Variants in SKIL observed in about 807,000 individuals in gnomAD.
SKIL encodes the protein SKI like proto-oncogene.
A neutral mutation model predicts 69.6 loss-of-function variants in SKIL; 20 were observed. That is an observed-to-expected ratio of 0.29 (90% confidence interval 0.20 to 0.42). The LOEUF is 0.42. Among genes scored for constraint, SKIL ranks in the 10% least tolerant of loss-of-function variants. The probability of loss-of-function intolerance (pLI) is 1.00; values close to 1 mark genes in which losing one functional copy is unlikely to be tolerated. For missense variants in SKIL, 745 were observed against 783.1 expected, an observed-to-expected ratio of 0.95 and a Z score of 0.58; for synonymous variants, 310 against 279.9, an observed-to-expected ratio of 1.11 and a Z score of -1.08.
chr3:170,358,287 G>A (rs955409461), intron 1 of SKIL, among the ~76,000 whole-genome samples: 1 of 151,950 alleles, frequency 6.6e-6, no homozygotes, highest in East Asian at 1.9e-4. Flanking sequence ...TGCGCGGGGG[G>A]GTGGATTTCC....
chr3:170,389,117 C>T (rs1421234658), intron 4 of SKIL, among the ~76,000 whole-genome samples: 1 of 152,090 alleles, frequency 6.6e-6, no homozygotes, highest in Non-Finnish European at 1.5e-5. Context: ...AGGTAATCCA[C>T]CTGCCTCGGC....
intron 1 of SKIL, among the ~76,000 whole-genome samples, chr3:170,359,326 T>C (rs2108888764): frequency 6.6e-6 from 1 of 152,354 alleles, no homozygotes; most frequent in East Asian, 1.9e-4. Flanking sequence ...CCGGGTGCGG[T>C]GGCTCACGCC....
Position 170,360,469 on chromosome 3 carries a change from G to A in SKIL, c.138G>A (p.Val46=). ...CAAATGGAAAAACGATAAACAAGGTGCCAACAGTTAAGAAGGAACACTTGG... is the reference window on the plus strand; with the variant it reads ...CAAATGGAAAAACGATAAACAAGGTACCAACAGTTAAGAAGGAACACTTGG... ...IHANGKTINK[V]PTVKKEHLDD... is the part of the protein sequence containing the mutation. Residue 46 remains valine (V), a synonymous_variant, in exon 2 of 7, where the codon GTG becomes GTA. Coordinates refer to ENST00000259119, the MANE Select transcript of SKIL (RefSeq NM_005414.5). The A allele has an allele frequency of 6.2e-7, 1 of 1,613,988 alleles. No individual in the cohort carries two copies. Among genetic ancestry groups the A allele is most frequent in the African/African-American group, 1.3e-5 (1 of 75,038 alleles).
chr3:170,366,839 C>T (rs1055663857), intron 2 of SKIL, among the ~76,000 whole-genome samples: 1 of 152,108 alleles, frequency 6.6e-6, no homozygotes, highest in Non-Finnish European at 1.5e-5. Context: ...TAAATACATG[C>T]AAACATCACA....
Position 170,396,560 on chromosome 3 carries a change from G to T in SKIL, c.*4143G>T, listed in dbSNP as rs1389369790. ...TTTGCCAATGATGTACAGTTTTATG[G>T]TTAAAGTTGCTGTGGTTGGTTGCAT... On this transcript the variant is annotated 3_prime_UTR_variant, in exon 7 of 7. Transcript: ENST00000259119. 3 of 152,182 alleles carry T rather than the reference G, an allele frequency of 2.0e-5. No individual in the cohort carries two copies. The highest frequency in any genetic ancestry group is 4.4e-5 in the Non-Finnish European group (3 of 68,028). The allele number at this position is 152,182 out of a possible 1,614,324, so 9.4% of individuals were successfully genotyped here. A position where few individuals can be genotyped will look rare whatever the true frequency, so the allele number is the denominator to read the frequency against.
rs1019799361 is a variant in SKIL, at chr3:170,383,130, G to C, written c.1197-1403G>C. 2.6e-5 allele frequency among the ~76,000 whole-genome samples: 4 copies of C among 152,132 alleles called. No homozygotes were observed. The East Asian group carries it at 7.7e-4, about 29-fold the overall frequency. On this transcript the variant is annotated intron_variant, in intron 3 of 6. Transcript: ENST00000259119. ...TTTCAATAAATGTTCACCCTAGATT[G>C]TAAGTTTTTTGTTGTTGAGCCCTAG...
rs771703855 is a variant in SKIL, at chr3:170,361,016, T to G, written c.685T>G (p.Leu229Val). ...GLITLTDAQRLCNALLRPRTF... is the reference protein window; with the variant it reads ...GLITLTDAQRVCNALLRPRTF... ...GATTACATTAACTGATGCACAAAGA[T>G]TATGTAATGCTTTATTGCGGCCACG... The change falls in exon 2 of 7, where the codon TTA becomes GTA. Residue 229 changes from leucine (L) to valine (V), a missense_variant. Physicochemically the swap from Leu to Val is conservative, Grantham distance 32. Coordinates refer to ENST00000259119, the MANE Select transcript of SKIL (RefSeq NM_005414.5). 6.2e-7 allele frequency: 1 copy of G among 1,614,216 alleles called. No homozygotes were observed. The highest frequency in any genetic ancestry group is 8.5e-7 in the Non-Finnish European group (1 of 1,180,030).
intron 2 of SKIL, among the ~76,000 whole-genome samples, chr3:170,373,808 T>C (rs561019423): frequency 1.3e-5 from 2 of 152,300 alleles, no homozygotes; most frequent in East Asian, 3.9e-4. Flanking sequence ...CGAGGATCCC[T>C]TGAGCCCAGG....
chr3:170,364,204 C>T (rs1736385596), intron 2 of SKIL, among the ~76,000 whole-genome samples: 3 of 152,050 alleles, frequency 2.0e-5, no homozygotes, highest in Non-Finnish European at 4.4e-5. Context: ...GCGCCTGTCT[C>T]TGCCTCCCAA....
rs746175521 is a variant in SKIL, at chr3:170,360,341, C to A, written c.10C>A (p.Leu4Ile). The change falls in exon 2 of 7, where the codon CTC becomes ATC. Residue 4 changes from leucine (L) to isoleucine (I), a missense_variant. Leu to Ile is a conservative substitution (Grantham distance 5). Transcript: ENST00000259119. The stretch of plus-strand genomic sequence containing the variant: ...AACAGAAGAGTGTACCATGGAAAAC[C>A]TCCAGACAAATTTCTCCTTGGTTCA... The part of the protein sequence containing the change: MEN[L>I]QTNFSLVQGS... 1.2e-5 allele frequency: 19 copies of A among 1,556,076 alleles called. No individual in the cohort carries two copies. The East Asian group carries it at 4.3e-4, about 35-fold the overall frequency.
At chr3:170,380,500 T>G (rs1216550161) in intron 2 of SKIL, among the ~76,000 whole-genome samples, 1 of 151,834 alleles carries the variant, frequency 6.6e-6, no homozygotes, top group Non-Finnish European at 1.5e-5. Context: ...AAAAATTAGC[T>G]GGGTGTGGTG....
Position 170,361,464 on chromosome 3 carries a change from T to C in SKIL, c.1098+35T>C, listed in dbSNP as rs778264168. The C allele has an allele frequency of 2.8e-6, 4 of 1,450,362 alleles. No individual in the cohort carries two copies. The Admixed American group carries it at 9.0e-5, about 33-fold the overall frequency. 89.8% of individuals were successfully genotyped at this position (1,450,362 alleles called of 1,614,324 possible). A position where few individuals can be genotyped will look rare whatever the true frequency, so the allele number is the denominator to read the frequency against. ...TTATATCAATTTTTAATAATGGTAA[T>C]GGTTTACTTTGAAATGAAAATTCTA... On this transcript the variant is annotated intron_variant, in intron 2 of 6. Transcript: ENST00000259119.
At chr3:170,386,617 G>A (rs1203327243) in intron 4 of SKIL, among the ~76,000 whole-genome samples, 1 of 151,934 alleles carries the variant, frequency 6.6e-6, no homozygotes, top group African/African-American at 2.4e-5. Context: ...ACAGGCATGT[G>A]CCACTGCGCC....
chr3:170,358,433 C>G (rs1262898534), intron 1 of SKIL: 1 of 152,450 alleles, frequency 6.6e-6, no homozygotes, highest in Non-Finnish European at 1.5e-5. Context: ...CCCAGGCTTC[C>G]CGTGTCCCTT....
chr3:170,388,960 C>G (rs1737780205), intron 4 of SKIL, among the ~76,000 whole-genome samples: 1 of 152,004 alleles, frequency 6.6e-6, no homozygotes, highest in African/African-American at 2.4e-5. Flanking sequence ...ACCTCCACCT[C>G]CCGGGTTCAA....
At chr3:170,362,657 A>G (rs1030703757) in intron 2 of SKIL, among the ~76,000 whole-genome samples, 5 of 151,788 alleles carry the variant, frequency 3.3e-5, no homozygotes, top group African/African-American at 4.8e-5. Flanking sequence ...TCTACTAAAA[A>G]TACAAAAATT....
At position 170,384,765 on chromosome 3, in the gene SKIL, G is replaced by T. The variant is rs768240946; in HGVS notation, c.1429G>T (p.Asp477Tyr). 1 of 1,452,028 alleles carries T rather than the reference G, an allele frequency of 6.9e-7. No homozygotes were observed. Among genetic ancestry groups the T allele is most frequent in the Admixed American group, 1.8e-5 (1 of 56,444 alleles). The allele number at this position is 1,452,028 out of a possible 1,614,324, so 89.9% of individuals were successfully genotyped here. ...AAGTAGAGAATTATGTAGCCGTTTA[G>T]GTAAGTATTCAGAGATTATCTTTCT... is the stretch of plus-strand genomic sequence containing the variant. ...KTSRELCSRL[D>Y]ASISNNSTSK... The change falls in exon 4 of 7, where the codon GAT (aspartate) becomes TAT (tyrosine). Residue 477 changes from aspartate (D) to tyrosine (Y), a missense_variant and splice_region_variant. By Grantham distance (160) the Asp-to-Tyr change is radical. Transcript: ENST00000259119.
chr3:170,377,988 G>A (rs1737118571), intron 2 of SKIL, among the ~76,000 whole-genome samples: 1 of 150,208 alleles, frequency 6.7e-6, no homozygotes, highest in African/African-American at 2.5e-5. Context: ...CCACCTCCCA[G>A]GTTCAAGCGA....
chr3:170,390,028 G>T (rs1737832230), intron 4 of SKIL, among the ~76,000 whole-genome samples, 195 bp from the exon 5 acceptor site: 1 of 152,078 alleles, frequency 6.6e-6, no homozygotes, highest in African/African-American at 2.4e-5. Context: ...ATGTATTTAG[G>T]TCTTAAATTT....
Sources: allele counts gnomAD v4.1 joint callset (sites outside exome capture counted in the v4.1 genomes callset), GRCh38; gene constraint gnomAD v4.1.1; transcripts MANE v1.5; gene names NCBI Gene and HGNC (gene_info 2026-07-23, HGNC 2026-07-21).